DYNLT2: variants seen among roughly 807,000 people sequenced by gnomAD.
The protein encoded by DYNLT2 is dynein light chain Tctex-type 2.
A neutral mutation model predicts 24.3 loss-of-function variants in DYNLT2; 24 were observed. That is an observed-to-expected ratio of 0.99 (90% confidence interval 0.71 to 1.39). DYNLT2 has a LOEUF of 1.39. Among genes scored for constraint, DYNLT2 ranks in the 40% most tolerant of loss-of-function variants. The probability of loss-of-function intolerance (pLI) is 0.00; values close to 1 mark genes in which losing one functional copy is unlikely to be tolerated. For synonymous variants in DYNLT2, 85 were observed against 85.4 expected (o/e 1.00, Z 0.03); for missense variants, 246 against 234.5 (o/e 1.05, Z -0.32).
At chr6:169,751,265 G>T in intron 1 of DYNLT2, 74 bp downstream of exon 1, 1 of 1,540,170 alleles carries the variant, frequency 6.5e-7, no homozygotes, top group Non-Finnish European at 8.7e-7. Flanking sequence ...ACGGGAGCGG[G>T]GCCCACTGGG....
the DYNLT2 span, among the ~76,000 whole-genome samples, chr6:169,731,239 T>G: frequency 6.6e-6 from 1 of 152,174 alleles, no homozygotes; most frequent in Non-Finnish European, 1.5e-5. Flanking sequence ...ATCTTTATAA[T>G]GCACCTGGAA....
intron 2 of DYNLT2, 123 bp downstream of exon 2, chr6:169,743,945 C>A: frequency 1.1e-6 from 1 of 887,612 alleles, no homozygotes; most frequent in Non-Finnish European, 1.7e-6. Flanking sequence ...TGACACAATA[C>A]CTTCTGGTTC....
chr6:169,725,520 C>T, the DYNLT2 span: 1 of 394,410 alleles, frequency 2.5e-6, no homozygotes. Flanking sequence ...GTTCTTGCCT[C>T]TGTCCCACCA....
At position 169,751,522 on chromosome 6, in the gene DYNLT2, C is replaced by T. The variant is rs901607785; in HGVS notation, c.-64G>A. On this transcript the variant is annotated 5_prime_UTR_variant, in exon 1 of 4. Transcript: ENST00000366774. Reference sequence around the variant, plus strand: ...ACCGCCGGCGGTCAAACGCCCTAGCCAGTCCCGCGAGGGCGGAAGTCTCCC... The same window carrying T: ...ACCGCCGGCGGTCAAACGCCCTAGCTAGTCCCGCGAGGGCGGAAGTCTCCC... 9 of 1,610,874 alleles carry T rather than the reference C, an allele frequency of 5.6e-6. No homozygotes were observed. Among genetic ancestry groups the T allele is most frequent in the African/African-American group, 1.3e-5 (1 of 74,834 alleles).
the DYNLT2 span, among the ~76,000 whole-genome samples, chr6:169,728,436 G>A: frequency 6.6e-6 from 1 of 152,186 alleles, no homozygotes; most frequent in Non-Finnish European, 1.5e-5. Flanking sequence ...AAGTCTAGAG[G>A]GGTAAAAGGC....
At chr6:169,726,968 T>G in the DYNLT2 span, among the ~76,000 whole-genome samples, 1 of 152,092 alleles carries the variant, frequency 6.6e-6, no homozygotes, top group South Asian at 2.1e-4. Context: ...CCAAAGGTAC[T>G]CAACTTGTGG....
Position 169,742,320 on chromosome 6 carries a change from A to G in DYNLT2, c.486+760T>C, listed in dbSNP as rs567444627. 4.6e-5 allele frequency among the ~76,000 whole-genome samples: 7 copies of G among 152,318 alleles called. No homozygotes were observed. In the South Asian group the frequency reaches 1.4e-3, roughly 32 times the overall value. On this transcript the variant is annotated intron_variant, in intron 3 of 3. Coordinates refer to ENST00000366774, the MANE Select transcript of DYNLT2 (RefSeq NM_174910.3). ...CACAGCCAGCAAGTGTGGCAGAGGCAATCTGACTCCAAAACCCAGGCTGTT... is the reference window on the plus strand; with the variant it reads ...CACAGCCAGCAAGTGTGGCAGAGGCGATCTGACTCCAAAACCCAGGCTGTT...
chr6:169,743,003 A>T (rs1163499763), intron 3 of DYNLT2, 77 bp downstream of exon 3: 1 of 1,194,414 alleles, frequency 8.4e-7, no homozygotes, highest in African/African-American at 1.5e-5. Flanking sequence ...TTGAGTCATC[A>T]CAATAAAAAT....
chr6:169,735,738 A>G (rs1431083375), downstream of DYNLT2, among the ~76,000 whole-genome samples: 1 of 152,162 alleles, frequency 6.6e-6, no homozygotes, highest in Admixed American at 6.5e-5. Flanking sequence ...GCCATATGGC[A>G]CTGGAAAGAA....
At chr6:169,751,293 C>G in intron 1 of DYNLT2, 46 bp downstream of exon 1, 1 of 1,581,652 alleles carries the variant, frequency 6.3e-7, no homozygotes, top group Non-Finnish European at 8.6e-7. Context: ...TTCACTTAAA[C>G]GGTCGGACAT....
At chr6:169,749,745 C>G (rs1789905712) in intron 1 of DYNLT2, 1 of 152,140 alleles carries the variant, frequency 6.6e-6, no homozygotes, top group African/African-American at 2.4e-5. Context: ...AAGCTCTATA[C>G]AATTGCAGAT....
chr6:169,737,117 C>T (rs4716340), downstream of DYNLT2, among the ~76,000 whole-genome samples: 1,389 of 152,206 alleles, frequency 9.1e-3, 75 homozygotes, highest in East Asian at 0.13. Flanking sequence ...GCTGTTGATA[C>T]TTGTGTATGC....
At chr6:169,727,784 C>T in the DYNLT2 span, among the ~76,000 whole-genome samples, 2 of 152,112 alleles carry the variant, frequency 1.3e-5, no homozygotes, top group Non-Finnish European at 2.9e-5. Context: ...AGGATGGTCT[C>T]GATCTCCTGA....
chr6:169,735,637 C>T (rs1275384498), downstream of DYNLT2, among the ~76,000 whole-genome samples: 5 of 152,104 alleles, frequency 3.3e-5, no homozygotes, highest in South Asian at 2.1e-4. Flanking sequence ...ATTGCACTGT[C>T]GTCTGAAAGA....
At chr6:169,734,789 G>A in the DYNLT2 span, among the ~76,000 whole-genome samples, 111 of 152,240 alleles carry the variant, frequency 7.3e-4, no homozygotes, top group African/African-American at 2.6e-3. Context: ...GTATCAGGGC[G>A]ATGCTGGCTT....
At chr6:169,728,558 C>A in the DYNLT2 span, among the ~76,000 whole-genome samples, 1 of 152,094 alleles carries the variant, frequency 6.6e-6, no homozygotes, top group East Asian at 1.9e-4. Context: ...GCAAAGTGAT[C>A]TTAATAATCA....
At chr6:169,750,217 C>A (rs1789937492) in intron 1 of DYNLT2, 2 of 152,144 alleles carry the variant, frequency 1.3e-5, no homozygotes, top group Admixed American at 1.3e-4. Flanking sequence ...TAAAAGCCAC[C>A]CTTGTCTGCC....
chr6:169,740,065 A>G (rs1393700475), downstream of DYNLT2: 2 of 634,766 alleles, frequency 3.2e-6, no homozygotes, highest in Non-Finnish European at 5.4e-6. Flanking sequence ...ATACAATTGA[A>G]AGGCCTCAAA....
chr6:169,749,263 G>C (rs893393719), intron 1 of DYNLT2, among the ~76,000 whole-genome samples: 1 of 152,106 alleles, frequency 6.6e-6, no homozygotes, highest in Non-Finnish European at 1.5e-5. Context: ...ACCAAGCCCG[G>C]CTAATTTTTG....
Sources: allele counts gnomAD v4.1 joint callset (sites outside exome capture counted in the v4.1 genomes callset), GRCh38; gene constraint gnomAD v4.1.1; transcripts MANE v1.5; gene names NCBI Gene and HGNC (gene_info 2026-07-23, HGNC 2026-07-21).